The following PCNX1 variants were observed in gnomAD, a reference collection of about 807,000 sequenced individuals.
The protein encoded by PCNX1 is pecanex-like protein 1.
PCNX1 carries 78 observed loss-of-function variants against 242.2 expected under a neutral mutation model. That is an observed-to-expected ratio of 0.32 (90% CI 0.27 to 0.39). The LOEUF (loss-of-function observed/expected upper bound fraction) is 0.39, where lower values mean the gene tolerates loss of function less well. Ranked by LOEUF, PCNX1 falls within the 10% of genes least tolerant of loss-of-function variation. The pLI is 1.00. For synonymous variants in PCNX1, 1,024 were observed against 1,032.9 expected (o/e 0.99, Z 0.17); for missense variants, 2,581 against 2,856.5 (o/e 0.90, Z 2.20).
intron 15 of PCNX1, among the ~76,000 whole-genome samples, chr14:71,027,612 C>T (rs1005936674): frequency 6.6e-6 from 1 of 151,896 alleles, no homozygotes; most frequent in African/African-American, 2.4e-5. Context: ...CATTTCTCTA[C>T]ACGTTTCACA....
chr14:71,045,330 C>T lies in PCNX1; in HGVS notation c.4018+47C>T, dbSNP rs761289807. 2.2e-6 allele frequency: 3 copies of T among 1,353,102 alleles called. No homozygotes were observed. The South Asian group carries it at 3.9e-5, about 17-fold the overall frequency. 83.8% of individuals were successfully genotyped at this position (1,353,102 alleles called of 1,614,324 possible). On this transcript the variant is annotated intron_variant, in intron 20 of 35. Coordinates refer to ENST00000304743, the MANE Select transcript of PCNX1 (RefSeq NM_014982.3). ...TTTCTTTTTAATACTATGAGTTTTTCCCTTTGCTATATTGATAGATGACTG... is the reference window on the plus strand; with the variant it reads ...TTTCTTTTTAATACTATGAGTTTTTTCCTTTGCTATATTGATAGATGACTG...
intron 5 of PCNX1, 114 bp from the exon 6 acceptor site, chr14:70,976,828 T>G: frequency 1.1e-6 from 1 of 903,924 alleles, no homozygotes; most frequent in Non-Finnish European, 1.7e-6. Context: ...GAGAACTACT[T>G]GAGAAATTAT....
At chr14:70,909,096 C>T (rs2055709787) in intron 1 of PCNX1, among the ~76,000 whole-genome samples, 1 of 152,080 alleles carries the variant, frequency 6.6e-6, no homozygotes, top group South Asian at 2.1e-4. Context: ...TAGAAAATCC[C>T]GGAGGACCAC....
rs548942433 is a variant in PCNX1, at chr14:71,102,263, G to A, written c.5820+43G>A. ...TTATTTGGTCCAAAACATAGAAGTTGAATAACTTGATCTAAAATTTTTTTT... is the reference window on the plus strand; with the variant it reads ...TTATTTGGTCCAAAACATAGAAGTTAAATAACTTGATCTAAAATTTTTTTT... On this transcript the variant is annotated intron_variant, in intron 31 of 35. Transcript: ENST00000304743. 3.5e-5 allele frequency: 51 copies of A among 1,469,256 alleles called. No homozygotes were observed. In the African/African-American group the frequency reaches 6.7e-4, roughly 19 times the overall value. The allele number at this position is 1,469,256 out of a possible 1,614,324, so 91.0% of individuals were successfully genotyped here. A position where few individuals can be genotyped will look rare whatever the true frequency, so the allele number is the denominator to read the frequency against.
At chr14:71,014,603 G>C (rs1443737615) in intron 11 of PCNX1, among the ~76,000 whole-genome samples, 1 of 152,154 alleles carries the variant, frequency 6.6e-6, no homozygotes, top group East Asian at 1.9e-4. Flanking sequence ...TACTGGATGG[G>C]ATTAATGGTA....
At chr14:71,086,054 A>G (rs1181403175) in intron 28 of PCNX1, among the ~76,000 whole-genome samples, 2 of 151,952 alleles carry the variant, frequency 1.3e-5, no homozygotes, top group African/African-American at 2.4e-5. Context: ...TCTCTTGCTA[A>G]GTTTTTGAGA....
chr14:70,918,647 C>T (rs1020536003), intron 1 of PCNX1, among the ~76,000 whole-genome samples: 2 of 152,212 alleles, frequency 1.3e-5, no homozygotes, highest in African/African-American at 2.4e-5. Flanking sequence ...GTACAAAATG[C>T]AGTATCTGTG....
At chr14:71,069,347 G>A (rs985876296) in intron 26 of PCNX1, among the ~76,000 whole-genome samples, 8 of 152,112 alleles carry the variant, frequency 5.3e-5, no homozygotes, top group African/African-American at 1.7e-4. Context: ...TTAAATATTA[G>A]CAAATTAATA....
chr14:70,966,138 C>T (rs1321421756), intron 3 of PCNX1, among the ~76,000 whole-genome samples: 1 of 151,960 alleles, frequency 6.6e-6, no homozygotes. Context: ...ATTCTGGAGC[C>T]CTGTTGTTTC....
chr14:71,091,008 G>A (rs1321221610), intron 30 of PCNX1, among the ~76,000 whole-genome samples: 1 of 152,212 alleles, frequency 6.6e-6, no homozygotes, highest in Non-Finnish European at 1.5e-5. Context: ...CTTGGATATA[G>A]CACACTCCCA....
intron 5 of PCNX1, among the ~76,000 whole-genome samples, chr14:70,971,308 C>CCTA (rs2058536413): frequency 1.9e-5 from 1 of 51,312 alleles, no homozygotes; most frequent in African/African-American, 7.4e-5. Flanking sequence ...CCGCGCCCGG[C>CCTA]TAATTTTTTG....
At chr14:71,062,594 T>C (rs1385321550) in intron 26 of PCNX1, among the ~76,000 whole-genome samples, 1 of 152,066 alleles carries the variant, frequency 6.6e-6, no homozygotes, top group East Asian at 1.9e-4. Context: ...TAAGCGTTAT[T>C]ACAAAGGAGT....
chr14:71,100,249 A>T (rs1353820562), intron 30 of PCNX1, among the ~76,000 whole-genome samples: 1 of 152,010 alleles, frequency 6.6e-6, no homozygotes, highest in African/African-American at 2.4e-5. Context: ...TTTTGTTTCC[A>T]TGTTTAGAAC....
intron 33 of PCNX1, 92 bp downstream of exon 33, chr14:71,105,532 A>C: frequency 1.0e-6 from 1 of 958,752 alleles, no homozygotes; most frequent in Non-Finnish European, 1.6e-6. Flanking sequence ...CATGTGGTCC[A>C]CTTGGAAATT....
At chr14:71,059,933 C>T (rs1237211839) in intron 26 of PCNX1, among the ~76,000 whole-genome samples, 1 of 152,106 alleles carries the variant, frequency 6.6e-6, no homozygotes, top group Non-Finnish European at 1.5e-5. Flanking sequence ...TCCTTATTGC[C>T]CTTCATTTTG....
chr14:70,916,412 C>T (rs892547898), intron 1 of PCNX1, among the ~76,000 whole-genome samples: 19 of 151,890 alleles, frequency 1.3e-4, no homozygotes, highest in African/African-American at 3.1e-4. Context: ...AAAATGAAGA[C>T]GAAAAAAGAG....
intron 24 of PCNX1, among the ~76,000 whole-genome samples, chr14:71,053,580 A>G (rs2061100520): frequency 6.6e-6 from 1 of 152,106 alleles, no homozygotes. Context: ...GGCCTCCCAA[A>G]GTGCTGGGAT....
intron 12 of PCNX1, among the ~76,000 whole-genome samples, chr14:71,020,767 T>C (rs998759087): frequency 6.6e-6 from 1 of 152,232 alleles, no homozygotes; most frequent in African/African-American, 2.4e-5. Flanking sequence ...TTAGTTTAAT[T>C]AGATCCCATT....
At chr14:70,997,033 TA>T (rs1164762301) in intron 8 of PCNX1, among the ~76,000 whole-genome samples, 1 of 152,120 alleles carries the variant, frequency 6.6e-6, no homozygotes, top group Non-Finnish European at 1.5e-5. Flanking sequence ...GATTTCTAAA[TA>T]AAATGAGAAA....
Sources: allele counts gnomAD v4.1 joint callset (sites outside exome capture counted in the v4.1 genomes callset), GRCh38; gene constraint gnomAD v4.1.1; transcripts MANE v1.5; gene names NCBI Gene and HGNC (gene_info 2026-07-23, HGNC 2026-07-21).